GABRG3: variants seen among roughly 807,000 people sequenced by gnomAD.
GABRG3 encodes gamma-aminobutyric acid type A receptor subunit gamma3, also known as gamma-aminobutyric acid receptor subunit gamma-3.
A neutral mutation model predicts 48.8 loss-of-function variants in GABRG3; 25 were observed. The ratio of observed to expected loss-of-function variants is 0.51; its 90% CI spans 0.37 to 0.72. GABRG3 has a LOEUF of 0.72. Among genes scored for constraint, GABRG3 ranks in the 30% least tolerant of loss-of-function variants. The probability of loss-of-function intolerance (pLI) is 0.00; values close to 1 mark genes in which losing one functional copy is unlikely to be tolerated. For synonymous variants in GABRG3, 227 were observed against 217.6 expected (o/e 1.04, Z -0.38); for missense variants, 394 against 577.9 (o/e 0.68, Z 3.26).
At chr15:27,116,817 A>T (rs1897649237) in intron 3 of GABRG3, among the ~76,000 whole-genome samples, 1 of 152,230 alleles carries the variant, frequency 6.6e-6, no homozygotes, top group South Asian at 2.1e-4. Context: ...GAGGACAGAC[A>T]GCATTCATGC....
rs149918597 is a variant in GABRG3 at position 27,392,783 on chromosome 15, A to T, written c.574+63895A>T. On this transcript the variant is annotated intron_variant, in intron 5 of 9. Coordinates refer to ENST00000615808, the MANE Select transcript of GABRG3 (RefSeq NM_033223.5). ...TGCTTCTATCAGTAGAGACTCCTGG[A>T]TATTTATTTTATACTCTGGGTTATA... Among the ~76,000 whole-genome samples, 701 of 152,246 alleles carry T rather than the reference A, an allele frequency of 4.6e-3. 7 individuals carry two copies. The highest frequency in any genetic ancestry group is 0.016 in the African/African-American group (677 of 41,530).
At chr15:27,290,328 T>TA (rs1338746260) in intron 3 of GABRG3, among the ~76,000 whole-genome samples, 4 of 151,492 alleles carry the variant, frequency 2.6e-5, no homozygotes, top group Non-Finnish European at 5.9e-5. Flanking sequence ...TGCTACGAGA[T>TA]AGAGCTTAAC....
chr15:27,013,170 C>A (rs894777338), intron 2 of GABRG3, among the ~76,000 whole-genome samples: 5 of 152,108 alleles, frequency 3.3e-5, no homozygotes, highest in Non-Finnish European at 7.4e-5. Context: ...TTAACATATT[C>A]GTCCTTTTAT....
chr15:27,258,785 G>T, intron 3 of GABRG3, among the ~76,000 whole-genome samples: 1 of 152,116 alleles, frequency 6.6e-6, no homozygotes, highest in Non-Finnish European at 1.5e-5. Context: ...TTTTGAAAAT[G>T]TACAGTAAGT....
intron 3 of GABRG3, among the ~76,000 whole-genome samples, chr15:27,100,217 CAAAAA>C (rs36148252): frequency 0.27 from 35,357 of 130,956 alleles, 4,917 homozygotes; most frequent in African/African-American, 0.42. Context: ...GACCCTGTCT[CAAAAA>C]AAAAAAAAAA....
rs117778883 is a variant in GABRG3, at chr15:27,215,750, G to A, written c.271-111059G>A. On this transcript the variant is annotated intron_variant, in intron 3 of 9. Transcript: ENST00000615808. ...GTGTGGGTCATGCCATGACCAGTTT[G>A]TGCTGGATGAATGTGGGCAGTGACC... Among the ~76,000 whole-genome samples the A allele has an allele frequency of 1.0e-3, 158 of 152,306 alleles. 1 individual carries two copies. In the East Asian group the frequency reaches 0.029, roughly 28 times the overall value.
At position 26,980,547 on chromosome 15, in the gene GABRG3, C is replaced by T. The variant is rs576241931; in HGVS notation, c.202+3397C>T. ...CAGAAAAATTAGCCAGGCGTGGTGG[C>T]GGGCGCCTGTAATCCCAGCTACTGA... is the stretch of plus-strand genomic sequence containing the variant. On this transcript the variant is annotated intron_variant, in intron 2 of 9. Coordinates refer to ENST00000615808, the MANE Select transcript of GABRG3 (RefSeq NM_033223.5). Among the ~76,000 whole-genome samples the T allele has an allele frequency of 1.8e-4, 28 of 151,960 alleles. No individual in the cohort carries two copies. The South Asian group carries it at 5.2e-3, about 28-fold the overall frequency.
At chr15:27,106,076 C>T (rs568944432) in intron 3 of GABRG3, among the ~76,000 whole-genome samples, 4 of 151,942 alleles carry the variant, frequency 2.6e-5, no homozygotes, top group South Asian at 4.1e-4. Flanking sequence ...GTATAAAGTC[C>T]GTCAACTATA....
At chr15:27,209,789 A>G (rs1889012712) in intron 3 of GABRG3, among the ~76,000 whole-genome samples, 1 of 152,220 alleles carries the variant, frequency 6.6e-6, no homozygotes, top group African/African-American at 2.4e-5. Flanking sequence ...CCTGTTTCAC[A>G]GTGCTGGAGG....
At chr15:27,385,668 T>C (rs1011265531) in intron 5 of GABRG3, among the ~76,000 whole-genome samples, 1 of 152,182 alleles carries the variant, frequency 6.6e-6, no homozygotes, top group Non-Finnish European at 1.5e-5. Context: ...GTTCCTCCAG[T>C]AAATGTCTAA....
intron 5 of GABRG3, among the ~76,000 whole-genome samples, chr15:27,330,896 T>C (rs1047454286): frequency 1.1e-4 from 16 of 151,916 alleles, no homozygotes; most frequent in African/African-American, 3.4e-4. Context: ...AGCCAGGGGG[T>C]GGACAGTCTT....
chr15:27,218,545 C>T (rs1461292280), intron 3 of GABRG3, among the ~76,000 whole-genome samples: 3 of 152,136 alleles, frequency 2.0e-5, no homozygotes, highest in African/African-American at 7.2e-5. Context: ...CCCAGGGCTG[C>T]TGCTGCTTGT....
chr15:27,062,328 G>A (rs1896661240), intron 3 of GABRG3, among the ~76,000 whole-genome samples: 1 of 151,504 alleles, frequency 6.6e-6, no homozygotes, highest in Non-Finnish European at 1.5e-5. Context: ...TGGGTGTGGT[G>A]GCTCACGCCT....
At chr15:27,086,016 G>A (rs560419113) in intron 3 of GABRG3, among the ~76,000 whole-genome samples, 43 of 151,920 alleles carry the variant, frequency 2.8e-4, no homozygotes, top group Admixed American at 1.0e-3. Context: ...AGAGCTCAAC[G>A]TAAGAACTTC....
intron 5 of GABRG3, chr15:27,420,837 A>T (rs1888091504): frequency 6.6e-6 from 1 of 152,212 alleles, no homozygotes; most frequent in African/African-American, 2.4e-5. Context: ...TTTAGTTAAA[A>T]AATAAAAGTA....
At chr15:27,416,597 G>C (rs1170779087) in intron 5 of GABRG3, among the ~76,000 whole-genome samples, 2 of 152,166 alleles carry the variant, frequency 1.3e-5, no homozygotes, top group Non-Finnish European at 2.9e-5. Context: ...AAAAGTGAGG[G>C]GGTTTTCGAC....
chr15:27,515,205 G>A (rs1890990104), intron 6 of GABRG3, among the ~76,000 whole-genome samples: 1 of 151,886 alleles, frequency 6.6e-6, no homozygotes, highest in South Asian at 2.1e-4. Context: ...AGATTCTCCT[G>A]CCTCAGCCTC....
At chr15:27,276,748 C>T (rs1054634567) in intron 3 of GABRG3, among the ~76,000 whole-genome samples, 1 of 151,986 alleles carries the variant, frequency 6.6e-6, no homozygotes, top group Non-Finnish European at 1.5e-5. Context: ...AATGCCTGGT[C>T]CACACAATGC....
At position 27,500,397 on chromosome 15, in the gene GABRG3, A is replaced by C. The variant is rs545370450; in HGVS notation, c.713-19575A>C. 2.0e-5 allele frequency among the ~76,000 whole-genome samples: 3 copies of C among 151,532 alleles called. 1 individual carries two copies. The highest frequency in any genetic ancestry group is 4.2e-4 in the South Asian group (2 of 4,780). On this transcript the variant is annotated intron_variant, in intron 6 of 9. Coordinates refer to ENST00000615808, the MANE Select transcript of GABRG3 (RefSeq NM_033223.5). ...GACTTCCCTCCTGCTCCACGCTGTC[A>C]GCTACGTTTCCCACCGCGACTCCAC...
Sources: gnomAD v4.1 joint callset for allele counts (sites outside exome capture counted in the v4.1 genomes callset) on GRCh38, gnomAD v4.1.1 for gene constraint, MANE v1.5 for transcripts, NCBI Gene and HGNC (gene_info 2026-07-23, HGNC 2026-07-21) for gene names.